Variants in UGT8 observed in about 807,000 individuals in gnomAD.
UGT8 encodes 2-hydroxyacylsphingosine 1-beta-galactosyltransferase.
A neutral mutation model predicts 40.5 loss-of-function variants in UGT8; 12 were observed. The observed-to-expected ratio is 0.30, with a 90% CI of 0.19 to 0.48. UGT8 has a LOEUF of 0.48. UGT8 is among the 20% of genes least tolerant of loss of function. The pLI, the probability that UGT8 is intolerant of heterozygous loss-of-function variation, is 0.99. For missense variants in UGT8, 513 were observed against 648.7 expected (o/e 0.79, Z 2.27); for synonymous variants, 224 against 240.4 (o/e 0.93, Z 0.63).
intron 1 of UGT8, among the ~76,000 whole-genome samples, chr4:114,608,793 T>C (rs1039609992): frequency 4.6e-5 from 7 of 152,320 alleles, no homozygotes; most frequent in Non-Finnish European, 7.3e-5. Context: ...ATTTAGTTTT[T>C]ATTTTGTATT....
At chr4:114,630,143 G>A (rs2126104552) in intron 2 of UGT8, among the ~76,000 whole-genome samples, 1 of 118,654 alleles carries the variant, frequency 8.4e-6, no homozygotes, top group Non-Finnish European at 2.1e-5. Flanking sequence ...GTAAGCATGA[G>A]CTTGTGACAA....
At chr4:114,607,097 T>G (rs941369333) in intron 1 of UGT8, among the ~76,000 whole-genome samples, 2 of 152,222 alleles carry the variant, frequency 1.3e-5, no homozygotes, top group Non-Finnish European at 2.9e-5. Flanking sequence ...TTTGCAAATC[T>G]ATTACACATA....
intron 2 of UGT8, among the ~76,000 whole-genome samples, chr4:114,637,020 A>G (rs940507695): frequency 4.9e-4 from 74 of 152,230 alleles, no homozygotes; most frequent in African/African-American, 1.7e-3. Context: ...TTTTATACTG[A>G]AATTGGAGGT....
intron 2 of UGT8, among the ~76,000 whole-genome samples, chr4:114,642,968 G>A (rs1733321283): frequency 6.6e-6 from 1 of 152,040 alleles, no homozygotes; most frequent in Admixed American, 6.6e-5. Flanking sequence ...CTCCTTTAAA[G>A]GATTATTTTT....
chr4:114,637,985 A>T (rs1041217892), intron 2 of UGT8, among the ~76,000 whole-genome samples: 1 of 152,216 alleles, frequency 6.6e-6, no homozygotes, highest in Admixed American at 6.5e-5. Flanking sequence ...GTTTTCTACC[A>T]GATTAATATA....
At chr4:114,624,603 T>C (rs914433600) in intron 2 of UGT8, among the ~76,000 whole-genome samples, 3 of 152,188 alleles carry the variant, frequency 2.0e-5, no homozygotes, top group African/African-American at 7.2e-5. Flanking sequence ...TGATTTCTAG[T>C]TCTGGTACTA....
At chr4:114,599,499 G>A (rs1730305993) in intron 1 of UGT8, among the ~76,000 whole-genome samples, 1 of 152,206 alleles carries the variant, frequency 6.6e-6, no homozygotes, top group African/African-American at 2.4e-5. Flanking sequence ...GGATGTGTTG[G>A]GGGTGGGGAA....
chr4:114,611,057 T>C (rs988551502), intron 1 of UGT8, among the ~76,000 whole-genome samples: 3 of 152,094 alleles, frequency 2.0e-5, no homozygotes, highest in Non-Finnish European at 2.9e-5. Context: ...CTGGATATTC[T>C]CCAGATTCAC....
intron 1 of UGT8, among the ~76,000 whole-genome samples, chr4:114,602,237 G>C (rs1281365579): frequency 6.6e-6 from 1 of 152,060 alleles, no homozygotes; most frequent in Non-Finnish European, 1.5e-5. Flanking sequence ...GATCGTCTTT[G>C]TTTAGGAATA....
At chr4:114,626,777 C>T (rs1732247805) in intron 2 of UGT8, among the ~76,000 whole-genome samples, 1 of 152,118 alleles carries the variant, frequency 6.6e-6, no homozygotes, top group South Asian at 2.1e-4. Flanking sequence ...TAGTCATTTA[C>T]TTACTTACAA....
intron 1 of UGT8, among the ~76,000 whole-genome samples, chr4:114,616,915 T>C (rs912372764): frequency 1.3e-5 from 2 of 152,222 alleles, no homozygotes; most frequent in East Asian, 1.9e-4. Flanking sequence ...CACAGAAGCA[T>C]TGTAGCTAAT....
chr4:114,623,652 G>A lies in UGT8; in HGVS notation c.772G>A (p.Val258Ile). 1.2e-6 allele frequency: 2 copies of A among 1,612,738 alleles called. No individual in the cohort carries two copies. Among genetic ancestry groups the A allele is most frequent in the Non-Finnish European group, 1.7e-6 (2 of 1,178,744 alleles). Residue 258 changes from valine (V) to isoleucine (I), a missense_variant, in exon 2 of 6, where the codon GTT becomes ATT. Val to Ile is a conservative substitution (Grantham distance 29). Coordinates refer to ENST00000310836, the MANE Select transcript of UGT8 (RefSeq NM_001128174.3). ...LEFPRPTLPN[V>I]VYVGGILTKP... ...ATTCCCAAGACCCACTCTGCCTAATGTTGTTTATGTAGGAGGAATCCTAAC... is the reference window on the plus strand; with the variant it reads ...ATTCCCAAGACCCACTCTGCCTAATATTGTTTATGTAGGAGGAATCCTAAC...
At chr4:114,599,824 C>T (rs1220112789) in intron 1 of UGT8, among the ~76,000 whole-genome samples, 1 of 152,092 alleles carries the variant, frequency 6.6e-6, no homozygotes, top group Non-Finnish European at 1.5e-5. Flanking sequence ...CAAACCGCAT[C>T]GGAGAGTGCA....
intron 2 of UGT8, among the ~76,000 whole-genome samples, chr4:114,650,383 G>T (rs1001942280): frequency 6.6e-6 from 1 of 152,126 alleles, no homozygotes; most frequent in Non-Finnish European, 1.5e-5. Context: ...TCAGAACTTG[G>T]TGATGACTTG....
At chr4:114,605,384 A>G (rs1184874793) in intron 1 of UGT8, among the ~76,000 whole-genome samples, 1 of 152,168 alleles carries the variant, frequency 6.6e-6, no homozygotes, top group African/African-American at 2.4e-5. Flanking sequence ...TGAAGATATA[A>G]TTTATTTCCA....
chr4:114,649,565 A>G (rs1348391581), intron 2 of UGT8, among the ~76,000 whole-genome samples: 1 of 152,114 alleles, frequency 6.6e-6, no homozygotes, highest in Non-Finnish European at 1.5e-5. Context: ...CTCCTGTGCA[A>G]CCCTCAACCC....
At chr4:114,605,758 T>C (rs755364006) in intron 1 of UGT8, among the ~76,000 whole-genome samples, 1 of 152,278 alleles carries the variant, frequency 6.6e-6, no homozygotes, top group South Asian at 2.1e-4. Flanking sequence ...CTTGAAAAGC[T>C]GTATATAAAC....
At chr4:114,616,647 G>C (rs1578408955) in intron 1 of UGT8, among the ~76,000 whole-genome samples, 1 of 152,068 alleles carries the variant, frequency 6.6e-6, no homozygotes, top group Non-Finnish European at 1.5e-5. Flanking sequence ...GATGAACCCA[G>C]TACCTCAGTT....
At chr4:114,629,706 CA>C (rs2126104169) in intron 2 of UGT8, among the ~76,000 whole-genome samples, 1 of 152,262 alleles carries the variant, frequency 6.6e-6, no homozygotes, top group South Asian at 2.1e-4. Flanking sequence ...TTCTAAGCAA[CA>C]TTGTAGTTTT....
Sources: gnomAD v4.1 joint callset for allele counts (sites outside exome capture counted in the v4.1 genomes callset) on GRCh38, gnomAD v4.1.1 for gene constraint, MANE v1.5 for transcripts, NCBI Gene and HGNC (gene_info 2026-07-23, HGNC 2026-07-21) for gene names.